CNOT4: variants seen among roughly 807,000 people sequenced by gnomAD.
The protein encoded by CNOT4 is CCR4-NOT transcription complex subunit 4, also known as CCR4-associated factor 4.
CNOT4 carries 8 observed loss-of-function variants against 73.8 expected under a neutral mutation model. The ratio of observed to expected loss-of-function variants is 0.11; its 90% CI spans 0.06 to 0.20. The LOEUF is 0.20. Among genes scored for constraint, CNOT4 ranks in the 10% least tolerant of loss-of-function variants. The probability of loss-of-function intolerance (pLI) is 1.00; values close to 1 mark genes in which losing one functional copy is unlikely to be tolerated. For synonymous variants in CNOT4, 293 were observed against 321.1 expected (o/e 0.91, Z 0.94); for missense variants, 564 against 883.4 (o/e 0.64, Z 4.58).
chr7:135,465,326 G>A (rs937455547), intron 1 of CNOT4, among the ~76,000 whole-genome samples: 10 of 152,076 alleles, frequency 6.6e-5, no homozygotes, highest in Non-Finnish European at 1.3e-4. Flanking sequence ...CACGCTGACT[G>A]CTACTCCCAC....
chr7:135,423,397 G>A (rs1379568521), intron 2 of CNOT4, among the ~76,000 whole-genome samples: 4 of 146,996 alleles, frequency 2.7e-5, no homozygotes, highest in Non-Finnish European at 4.5e-5. Context: ...AAGGGTGGAA[G>A]AAATAGCTAC....
rs768809473 is a variant in CNOT4, at chr7:135,404,614, G to A, written c.821+5901C>T. 2.6e-5 allele frequency among the ~76,000 whole-genome samples: 4 copies of A among 152,170 alleles called. No homozygotes were observed. The Middle Eastern group carries it at 0.01, about 388-fold the overall frequency. On this transcript the variant is annotated intron_variant, in intron 7 of 11. Coordinates refer to ENST00000541284, the MANE Select transcript of CNOT4 (RefSeq NM_001190850.2). Reference sequence around the variant, plus strand: ...AGTTTTACCAAATAATTATGAGAATGGAATTCATGCAGTGACCATTCCCAT... The same window carrying A: ...AGTTTTACCAAATAATTATGAGAATAGAATTCATGCAGTGACCATTCCCAT...
chr7:135,448,316 GAGTGGATCACA>G (rs1799952884), intron 1 of CNOT4, among the ~76,000 whole-genome samples: 1 of 152,102 alleles, frequency 6.6e-6, no homozygotes, highest in South Asian at 2.1e-4. Context: ...AGGCCGAGAT[GAGTGGATCACA>G]AGGTCAGGAG....
chr7:135,480,145 T>C (rs1040090045), intron 1 of CNOT4, among the ~76,000 whole-genome samples: 2 of 152,230 alleles, frequency 1.3e-5, no homozygotes, highest in Non-Finnish European at 2.9e-5. Context: ...GTTATTATTA[T>C]GCTGATTTTC....
At chr7:135,472,038 T>C (rs1417934447) in intron 1 of CNOT4, among the ~76,000 whole-genome samples, 5 of 151,974 alleles carry the variant, frequency 3.3e-5, no homozygotes, top group Non-Finnish European at 7.4e-5. Flanking sequence ...CCAGGTGTGG[T>C]GGCAAGTGCC....
intron 1 of CNOT4, among the ~76,000 whole-genome samples, chr7:135,460,008 C>T (rs1290388463): frequency 6.6e-6 from 1 of 152,204 alleles, no homozygotes; most frequent in Non-Finnish European, 1.5e-5. Context: ...CATCATGAGC[C>T]AATCTCAGCT....
chr7:135,452,256 TAA>T (rs1800217478), intron 1 of CNOT4, among the ~76,000 whole-genome samples: 1 of 151,460 alleles, frequency 6.6e-6, no homozygotes, highest in Admixed American at 6.6e-5. Flanking sequence ...GGAATAGTAA[TAA>T]AAGAGTGTAT....
At chr7:135,466,092 T>C (rs1801202098) in intron 1 of CNOT4, among the ~76,000 whole-genome samples, 1 of 136,704 alleles carries the variant, frequency 7.3e-6, no homozygotes, top group Non-Finnish European at 1.6e-5. Context: ...AGACATAGCT[T>C]ACAGAGTAAC....
intron 10 of CNOT4, among the ~76,000 whole-genome samples, chr7:135,389,445 A>C (rs1256542538): frequency 2.0e-5 from 3 of 152,028 alleles, no homozygotes; most frequent in African/African-American, 7.3e-5. Context: ...AAAAATAGTA[A>C]AATGTTAACA....
chr7:135,506,148 T>C (rs1471785437), intron 1 of CNOT4, among the ~76,000 whole-genome samples: 1 of 152,242 alleles, frequency 6.6e-6, no homozygotes, highest in Non-Finnish European at 1.5e-5. Flanking sequence ...TTTTTCCTAA[T>C]ATCTTTGAGG....
intron 1 of CNOT4, among the ~76,000 whole-genome samples, chr7:135,453,159 CT>C (rs965717968): frequency 3.3e-5 from 5 of 152,058 alleles, no homozygotes; most frequent in African/African-American, 1.2e-4. Context: ...ATAAATTAGT[CT>C]TTTTAGAGAT....
chr7:135,503,400 C>T (rs1288920292), intron 1 of CNOT4, among the ~76,000 whole-genome samples: 2 of 150,786 alleles, frequency 1.3e-5, no homozygotes, highest in Non-Finnish European at 1.5e-5. Context: ...GAGTTCAAGG[C>T]TACAATGAGC....
intron 1 of CNOT4, among the ~76,000 whole-genome samples, chr7:135,442,238 C>A (rs531738750): frequency 5.9e-5 from 9 of 152,162 alleles, no homozygotes; most frequent in South Asian, 2.1e-4. Flanking sequence ...CTCCAAAATA[C>A]CCTTGCCCAA....
chr7:135,450,102 T>G (rs367878668), intron 1 of CNOT4, among the ~76,000 whole-genome samples: 1 of 152,048 alleles, frequency 6.6e-6, no homozygotes, highest in African/African-American at 2.4e-5. Flanking sequence ...TCCCAGCTAC[T>G]TGGGAAACTG....
At chr7:135,386,675 A>G (rs543411142) in intron 10 of CNOT4, 1 of 152,332 alleles carries the variant, frequency 6.6e-6, no homozygotes, top group African/African-American at 2.4e-5. Context: ...GATCATGTTT[A>G]GCCATTCTAT....
chr7:135,388,760 C>G, intron 10 of CNOT4: 1 of 1,596,266 alleles, frequency 6.3e-7, no homozygotes, highest in South Asian at 1.1e-5. Flanking sequence ...ATGCAAGCAC[C>G]CCAGAGTCTA....
At chr7:135,405,586 C>G (rs1010965868) in intron 7 of CNOT4, among the ~76,000 whole-genome samples, 1 of 152,168 alleles carries the variant, frequency 6.6e-6, no homozygotes, top group African/African-American at 2.4e-5. Context: ...CATTTCAAAG[C>G]AACTTATTCA....
intron 1 of CNOT4, among the ~76,000 whole-genome samples, chr7:135,443,766 A>G (rs1799635122): frequency 6.6e-6 from 1 of 152,198 alleles, no homozygotes; most frequent in Non-Finnish European, 1.5e-5. Context: ...CATACAGTCA[A>G]AATTATGTTT....
At chr7:135,462,631 T>C (rs960756280) in intron 1 of CNOT4, among the ~76,000 whole-genome samples, 8 of 152,236 alleles carry the variant, frequency 5.3e-5, no homozygotes. Context: ...CCTCTTAACA[T>C]GCAAATATTA....
Sources: allele counts gnomAD v4.1 joint callset (sites outside exome capture counted in the v4.1 genomes callset), GRCh38; gene constraint gnomAD v4.1.1; transcripts MANE v1.5; gene names NCBI Gene and HGNC (gene_info 2026-07-23, HGNC 2026-07-21).